Variants in UBE2V1 observed in about 807,000 individuals in gnomAD.
UBE2V1 encodes the protein ubiquitin-conjugating enzyme E2 variant 1.
In UBE2V1, 15 loss-of-function variants were observed where a neutral mutation model predicts 19.6. The observed-to-expected ratio is 0.77, with a 90% CI of 0.51 to 1.18. The LOEUF is 1.18. Ranked by LOEUF, UBE2V1 falls within the 50% of genes most tolerant of loss-of-function variation. The probability of loss-of-function intolerance (pLI) is 0.00; values close to 1 mark genes in which losing one functional copy is unlikely to be tolerated. For synonymous variants in UBE2V1, 60 were observed against 60.7 expected (o/e 0.99, Z 0.05); for missense variants, 125 against 184.8 (o/e 0.68, Z 1.88).
Position 50,082,601 on chromosome 20 carries a change from T to G in UBE2V1, c.*167A>C. The G allele has an allele frequency of 8.0e-7, 1 of 1,256,916 alleles. No individual in the cohort carries two copies. The highest frequency in any genetic ancestry group is 1.7e-5 in the South Asian group (1 of 59,878). The allele number at this position is 1,256,916 out of a possible 1,614,324, so 77.9% of individuals were successfully genotyped here. Reference sequence around the variant, plus strand: ...TTATATATTTCAAATGGACAAAAAATTAGTATCATTTACAGTATCTTAAGA... The same window carrying G: ...TTATATATTTCAAATGGACAAAAAAGTAGTATCATTTACAGTATCTTAAGA... On this transcript the variant is annotated 3_prime_UTR_variant, in exon 4 of 4. Transcript: ENST00000371674.
upstream of UBE2V1, chr20:50,113,246 A>G: frequency 1.3e-6 from 1 of 754,320 alleles, no homozygotes; most frequent in Non-Finnish European, 1.8e-6. Flanking sequence ...CCCGCCCCGG[A>G]GACCTGCACG....
intron 1 of UBE2V1, among the ~76,000 whole-genome samples, chr20:50,106,878 A>C (rs568194444): frequency 0.015 from 2,052 of 139,814 alleles, 52 homozygotes; most frequent in African/African-American, 0.049. Context: ...CAACAACAAA[A>C]AAAAAAAAAC....
chr20:50,095,440 T>C (rs1380100159), intron 2 of UBE2V1: 6 of 152,230 alleles, frequency 3.9e-5, no homozygotes, highest in African/African-American at 7.2e-5. Context: ...CAAATGTATA[T>C]ATTTTTAAAA....
At chr20:50,113,170 C>T (rs549584264), upstream of UBE2V1, 13 of 1,266,610 alleles carry the variant, frequency 1.0e-5, no homozygotes, top group East Asian at 9.3e-5. Context: ...TTCTTCACCC[C>T]CCCCTTACCC....
intron 1 of UBE2V1, among the ~76,000 whole-genome samples, chr20:50,099,802 T>C (rs948869071): frequency 6.6e-6 from 1 of 152,220 alleles, no homozygotes; most frequent in Non-Finnish European, 1.5e-5. Flanking sequence ...ATGATTTTAA[T>C]GTTACTAAAA....
upstream of UBE2V1, among the ~76,000 whole-genome samples, chr20:50,115,207 C>T (rs931327504): frequency 6.6e-6 from 1 of 152,238 alleles, no homozygotes. Context: ...CCCTCTCCCA[C>T]TTCAGGGGCT....
chr20:50,098,906 T>C (rs772895947), intron 1 of UBE2V1: 4 of 985,366 alleles, frequency 4.1e-6, no homozygotes, highest in Non-Finnish European at 4.8e-6. Context: ...TGGAAAACAC[T>C]GGCATTTTCA....
intron 1 of UBE2V1, among the ~76,000 whole-genome samples, chr20:50,097,176 AC>A (rs1177196848): frequency 6.6e-6 from 1 of 152,178 alleles, no homozygotes; most frequent in Admixed American, 6.5e-5. Flanking sequence ...TCAGGTGCTA[AC>A]AAAAGTACCT....
chr20:50,109,653 G>A (rs2080617576), intron 1 of UBE2V1, among the ~76,000 whole-genome samples: 1 of 151,588 alleles, frequency 6.6e-6, no homozygotes, highest in Non-Finnish European at 1.5e-5. Flanking sequence ...GGAGGCTGAG[G>A]CAGGAGAATC....
chr20:50,081,168 C>A lies in UBE2V1; in HGVS notation c.*1600G>T, dbSNP rs1374631996. The A allele has an allele frequency of 1.3e-5, 2 of 151,782 alleles. No individual in the cohort carries two copies. The highest frequency in any genetic ancestry group is 2.9e-5 in the Non-Finnish European group (2 of 67,982). The allele number at this position is 151,782 out of a possible 1,614,324, so 9.4% of individuals were successfully genotyped here. A position where few individuals can be genotyped will look rare whatever the true frequency, so the allele number is the denominator to read the frequency against. ...TTTTTTTTATTATATTAAAATCAGG[C>A]AATGGTCTGACAATAAAAAGGCTGC... On this transcript the variant is annotated 3_prime_UTR_variant, in exon 4 of 4. Transcript: ENST00000371674.
chr20:50,112,777 G>C (rs1389840782), intron 1 of UBE2V1, among the ~76,000 whole-genome samples: 1 of 152,340 alleles, frequency 6.6e-6, no homozygotes, highest in Admixed American at 6.5e-5. Context: ...CGCCCCTTAA[G>C]AGTCGCCAGC....
At chr20:50,096,938 C>G (rs753181024) in intron 1 of UBE2V1, 118 bp from the exon 2 acceptor site, 2 of 1,497,926 alleles carry the variant, frequency 1.3e-6, no homozygotes, top group Admixed American at 2.2e-5. Flanking sequence ...AAAAAAATCA[C>G]GGAAAGTTAT....
chr20:50,083,764 A>G (rs960670592), intron 3 of UBE2V1: 1 of 161,254 alleles, frequency 6.2e-6, no homozygotes, highest in African/African-American at 2.4e-5. Flanking sequence ...TTAAAGGAAA[A>G]AAATATTACA....
chr20:50,113,086 G>T (rs2080878022), intron 1 of UBE2V1, 21 bp downstream of exon 1: 4 of 1,205,914 alleles, frequency 3.3e-6, no homozygotes, highest in Non-Finnish European at 3.3e-6. Flanking sequence ...TCGGCCGGCC[G>T]GGCCCGGCGC....
intron 2 of UBE2V1, among the ~76,000 whole-genome samples, chr20:50,094,719 G>C (rs1228239692): frequency 7.1e-6 from 1 of 141,266 alleles, no homozygotes; most frequent in African/African-American, 2.6e-5. Flanking sequence ...GTCAAAGATG[G>C]GAAATGGGGG....
intron 1 of UBE2V1, among the ~76,000 whole-genome samples, chr20:50,105,958 AAACAAAC>A (rs150364202): frequency 0.011 from 1,628 of 152,182 alleles, 27 homozygotes; most frequent in African/African-American, 0.038. Context: ...AAAAAACAAA[AAACAAAC>A]AAACAAAAGG....
chr20:50,094,978 A>C (rs1458497382), intron 2 of UBE2V1: 1 of 152,210 alleles, frequency 6.6e-6, no homozygotes, highest in Admixed American at 6.5e-5. Context: ...ACTGAAATTC[A>C]GGGTAGCCCA....
chr20:50,086,037 C>G (rs999094727), intron 2 of UBE2V1, among the ~76,000 whole-genome samples: 1 of 152,210 alleles, frequency 6.6e-6, no homozygotes, highest in Non-Finnish European at 1.5e-5. Flanking sequence ...GCTCCCGGCA[C>G]AGCAGCCAGA....
At chr20:50,105,078 A>T (rs1046302573) in intron 1 of UBE2V1, among the ~76,000 whole-genome samples, 6 of 152,114 alleles carry the variant, frequency 3.9e-5, no homozygotes, top group African/African-American at 9.7e-5. Context: ...CATTTTTTTT[A>T]AAATAAGGGA....
Sources: allele counts gnomAD v4.1 joint callset (sites outside exome capture counted in the v4.1 genomes callset), GRCh38; gene constraint gnomAD v4.1.1; transcripts MANE v1.5; gene names NCBI Gene and HGNC (gene_info 2026-07-23, HGNC 2026-07-21).